The following PSD3 variants were observed in gnomAD, a reference collection of about 807,000 sequenced individuals.
PSD3 encodes the protein PH and SEC7 domain-containing protein 3.
PSD3 carries 49 observed loss-of-function variants against 105.5 expected under a neutral mutation model. The ratio of observed to expected loss-of-function variants is 0.46; its 90% CI spans 0.37 to 0.59. PSD3 has a LOEUF of 0.59. PSD3 is among the 20% of genes least tolerant of loss of function. PSD3 has a pLI of 0.00. For missense variants in PSD3, 1,561 were observed against 1,263.8 expected, an observed-to-expected ratio of 1.24 and a Z score of -3.57; for synonymous variants, 557 against 457.8, an observed-to-expected ratio of 1.22 and a Z score of -2.77.
intron 1 of PSD3, among the ~76,000 whole-genome samples, chr8:19,076,520 G>A (rs534009479): frequency 1.4e-4 from 22 of 152,132 alleles, no homozygotes; most frequent in Non-Finnish European, 3.2e-4. Flanking sequence ...TAGTCTGAAA[G>A]ACCTAAGGGT....
chr8:18,583,043 G>A (rs1802922202), intron 12 of PSD3, among the ~76,000 whole-genome samples: 1 of 151,990 alleles, frequency 6.6e-6, no homozygotes, highest in Admixed American at 6.6e-5. Context: ...GGTCAGGCTG[G>A]TCTTGAACTC....
chr8:18,799,865 A>AAGTAC (rs1457332691), intron 7 of PSD3, among the ~76,000 whole-genome samples: 6 of 152,170 alleles, frequency 3.9e-5, no homozygotes, highest in Non-Finnish European at 8.8e-5. Context: ...TTCTCTACAC[A>AAGTAC]AGTACAGTAG....
chr8:18,838,250 G>A (rs771380835), intron 4 of PSD3, among the ~76,000 whole-genome samples: 3 of 152,064 alleles, frequency 2.0e-5, no homozygotes, highest in Non-Finnish European at 2.9e-5. Context: ...GTAGAGCGAT[G>A]GCTTTATGTG....
chr8:19,057,439 C>G (rs1336887404), intron 1 of PSD3, among the ~76,000 whole-genome samples: 2 of 152,174 alleles, frequency 1.3e-5, no homozygotes, highest in African/African-American at 4.8e-5. Context: ...AACCTCTGCC[C>G]ACCACTCTGG....
chr8:19,084,095 G>A, intron 1 of PSD3: 1 of 360,820 alleles, frequency 2.8e-6, no homozygotes, highest in South Asian at 2.0e-5. Context: ...GTTGAGGTGT[G>A]GCCCATCTAA....
chr8:18,587,539 C>T (rs999582474), intron 12 of PSD3, among the ~76,000 whole-genome samples: 1 of 152,048 alleles, frequency 6.6e-6, no homozygotes, highest in Non-Finnish European at 1.5e-5. Context: ...CTATTTTCAC[C>T]CTTCTCTTGC....
intron 2 of PSD3, among the ~76,000 whole-genome samples, chr8:18,913,080 C>CACAA (rs1554540492): frequency 2.7e-3 from 325 of 122,604 alleles, no homozygotes; most frequent in African/African-American, 9.4e-3. Context: ...CACACACACA[C>CACAA]ACACAAACAC....
At chr8:18,764,078 A>C (rs1032685929) in intron 9 of PSD3, among the ~76,000 whole-genome samples, 1 of 152,174 alleles carries the variant, frequency 6.6e-6, no homozygotes, top group East Asian at 1.9e-4. Flanking sequence ...AACATGCTCT[A>C]AATTAGCCAA....
chr8:18,687,458 C>A (rs1403952402), intron 9 of PSD3, among the ~76,000 whole-genome samples: 1 of 150,654 alleles, frequency 6.6e-6, no homozygotes, highest in Non-Finnish European at 1.5e-5. Context: ...ACAGTGAGAT[C>A]CTGTCTCAAA....
chr8:18,541,252 A>G (rs1373902632), intron 15 of PSD3, among the ~76,000 whole-genome samples: 20 of 151,700 alleles, frequency 1.3e-4, no homozygotes, highest in Admixed American at 1.3e-3. Flanking sequence ...TTACTAATAT[A>G]TCCCCAGGGC....
chr8:18,542,408 C>A (rs1161265869), intron 15 of PSD3, among the ~76,000 whole-genome samples: 2 of 152,128 alleles, frequency 1.3e-5, no homozygotes, highest in African/African-American at 4.8e-5. Context: ...GGATATTAGC[C>A]TCATCAACAT....
intron 11 of PSD3, among the ~76,000 whole-genome samples, chr8:18,617,682 G>C: frequency 6.6e-6 from 1 of 151,102 alleles, no homozygotes; most frequent in East Asian, 1.9e-4. Flanking sequence ...ATGACAGAAA[G>C]GGGGTGTTGG....
chr8:19,042,465 G>A (rs952630300), intron 1 of PSD3, among the ~76,000 whole-genome samples: 68 of 152,332 alleles, frequency 4.5e-4, no homozygotes, highest in Middle Eastern at 3.4e-3. Flanking sequence ...ATATGTAACA[G>A]AAGAACGTTA....
In PSD3 at chr8:18,765,519, GTCA is replaced by G; in HGVS notation, c.2099_2101del (p.Met700del). Reference sequence around the variant, plus strand: ...CAGATTTGCAATGAACTCCTGACAGGTCATCTTCTTTCCAATATTCTGAAACAG... The same window carrying G: ...CAGATTTGCAATGAACTCCTGACAGGTCTTCTTTCCAATATTCTGAAACAG... On this transcript the variant is annotated inframe_deletion, in exon 9 of 16. Coordinates refer to ENST00000327040, the MANE Select transcript of PSD3 (RefSeq NM_015310.4). 1 of 1,610,668 alleles carries G rather than the reference GTCA, an allele frequency of 6.2e-7. No individual in the cohort carries two copies. The highest frequency in any genetic ancestry group is 8.5e-7 in the Non-Finnish European group (1 of 1,176,958).
At chr8:18,792,682 G>A (rs1016789529) in intron 8 of PSD3, among the ~76,000 whole-genome samples, 2 of 152,186 alleles carry the variant, frequency 1.3e-5, no homozygotes, top group African/African-American at 2.4e-5. Flanking sequence ...AACAACAGGT[G>A]CTGGAGAGGA....
intron 9 of PSD3, among the ~76,000 whole-genome samples, chr8:18,687,232 G>A (rs112948599): frequency 0.058 from 8,885 of 152,234 alleles, 866 homozygotes; most frequent in African/African-American, 0.2. Context: ...GGGAGGCCAA[G>A]GCGGGCGGAT....
At chr8:18,938,599 G>A (rs1251587716) in intron 1 of PSD3, among the ~76,000 whole-genome samples, 1 of 140,436 alleles carries the variant, frequency 7.1e-6, no homozygotes, top group African/African-American at 2.7e-5. Flanking sequence ...CTCCAGCCTA[G>A]GCGACAAAAG....
intron 9 of PSD3, among the ~76,000 whole-genome samples, chr8:18,693,132 T>C (rs560872917): frequency 6.6e-6 from 1 of 152,346 alleles, no homozygotes; most frequent in South Asian, 2.1e-4. Context: ...GACAGGGCTA[T>C]TTCAAACACA....
chr8:18,865,268 A>T (rs1586265388), intron 4 of PSD3: 4 of 2,618 alleles, frequency 1.5e-3, no homozygotes, highest in South Asian at 0.038. Context: ...ATATATATAT[A>T]TATATATATA....
Sources: gnomAD v4.1 joint callset for allele counts (sites outside exome capture counted in the v4.1 genomes callset) on GRCh38, gnomAD v4.1.1 for gene constraint, MANE v1.5 for transcripts, NCBI Gene and HGNC (gene_info 2026-07-23, HGNC 2026-07-21) for gene names.